Variants in EGFR observed in about 807,000 individuals in gnomAD.
EGFR encodes epidermal growth factor receptor, also known as avian erythroblastic leukemia viral (v-erb-b) oncogene homolog.
In EGFR, 58 loss-of-function variants were observed where a neutral mutation model predicts 143.0. The observed-to-expected ratio is 0.41, with a 90% CI of 0.33 to 0.50. The LOEUF (loss-of-function observed/expected upper bound fraction) is 0.50. EGFR is among the 20% of genes least tolerant of loss of function. EGFR has a pLI of 0.39. For synonymous variants in EGFR, 613 were observed against 594.4 expected (o/e 1.03, Z -0.45); for missense variants, 1,307 against 1,579.0 (o/e 0.83, Z 2.92).
intron 1 of EGFR, among the ~76,000 whole-genome samples, chr7:55,114,680 A>T (rs1792721724): frequency 6.6e-6 from 1 of 152,066 alleles, no homozygotes; most frequent in African/African-American, 2.4e-5. Flanking sequence ...TGGCTTTGAG[A>T]TGACTGGGGA....
intron 1 of EGFR, among the ~76,000 whole-genome samples, chr7:55,023,233 A>G (rs1283058872): frequency 1.3e-5 from 2 of 152,158 alleles, no homozygotes; most frequent in African/African-American, 4.8e-5. Context: ...TGACTTCATA[A>G]GTACTCTAGT....
At chr7:55,196,994 T>C (rs1446229184) in intron 22 of EGFR, among the ~76,000 whole-genome samples, 5 of 152,184 alleles carry the variant, frequency 3.3e-5, no homozygotes, top group Non-Finnish European at 2.9e-5. Context: ...CAATTCAGGC[T>C]CTTTTTTGGT....
intron 20 of EGFR, among the ~76,000 whole-genome samples, chr7:55,189,387 A>C (rs1350794618): frequency 1.3e-5 from 2 of 151,684 alleles, no homozygotes; most frequent in Non-Finnish European, 2.9e-5. Flanking sequence ...GCACATCGCC[A>C]GTGCTCAGCA....
intron 1 of EGFR, among the ~76,000 whole-genome samples, chr7:55,087,556 TTTGA>T (rs1790844454): frequency 6.6e-6 from 1 of 152,238 alleles, no homozygotes; most frequent in African/African-American, 2.4e-5. Flanking sequence ...GCAAAATGTG[TTTGA>T]TTGGCACCAA....
chr7:55,084,790 T>A (rs1216428594), intron 1 of EGFR, among the ~76,000 whole-genome samples: 2 of 152,188 alleles, frequency 1.3e-5, no homozygotes, highest in Non-Finnish European at 2.9e-5. Flanking sequence ...AGGGCTTTTA[T>A]TAGGAAGAGG....
In EGFR at chr7:55,135,185, C is replaced by A. The variant is rs556497471; in HGVS notation, c.89-7101C>A. Among the ~76,000 whole-genome samples the A allele has an allele frequency of 6.6e-5, 10 of 152,112 alleles. 1 individual carries two copies. The South Asian group carries it at 1.7e-3, about 25-fold the overall frequency. The stretch of plus-strand genomic sequence containing the variant: ...GCTTGGCTTTGGATTCTTTTAATGG[C>A]TAGAAGGAGAATCATGGGGTTGGAA... On this transcript the variant is annotated intron_variant, in intron 1 of 27. Coordinates refer to ENST00000275493, the MANE Select transcript of EGFR (RefSeq NM_005228.5).
At chr7:55,038,279 T>A (rs1787713245) in intron 1 of EGFR, among the ~76,000 whole-genome samples, 2 of 152,086 alleles carry the variant, frequency 1.3e-5, no homozygotes, top group East Asian at 3.9e-4. Flanking sequence ...CTAACTTGAT[T>A]CTGAGGACAC....
At chr7:55,120,406 G>A (rs537671865) in intron 1 of EGFR, among the ~76,000 whole-genome samples, 5 of 152,330 alleles carry the variant, frequency 3.3e-5, no homozygotes, top group Admixed American at 2.0e-4. Context: ...ACTTTGGTTT[G>A]ACAAATAATC....
Position 55,201,169 on chromosome 7 carries a change from C to A in EGFR, c.2947-19C>A, listed in dbSNP as rs753178343. On this transcript the variant is annotated intron_variant, in intron 24 of 27. Transcript: ENST00000275493. ...CATCTCTACGGGCCATTCTAATAGC[C>A]TCAAAATCTCTGCACCAGGGGGATG... 1 of 1,614,016 alleles carries A rather than the reference C, an allele frequency of 6.2e-7. No individual in the cohort carries two copies. The highest frequency in any genetic ancestry group is 1.3e-5 in the African/African-American group (1 of 74,908).
At chr7:55,132,626 A>G (rs1793914410) in intron 1 of EGFR, among the ~76,000 whole-genome samples, 1 of 152,140 alleles carries the variant, frequency 6.6e-6, no homozygotes, top group Admixed American at 6.5e-5. Context: ...GTAATGAGGA[A>G]TATTGGTGCT....
chr7:55,170,161 A>G lies in EGFR; in HGVS notation c.1881-1014A>G, dbSNP rs1786272348. On this transcript the variant is annotated intron_variant, in intron 15 of 27. Coordinates refer to ENST00000275493, the MANE Select transcript of EGFR (RefSeq NM_005228.5). The stretch of plus-strand genomic sequence containing the variant: ...CATGACACCATGGAAAAGAGGGAGC[A>G]CCCAGACCCCCAAATTAAGAAGAGC... 2.8e-5 allele frequency: 40 copies of G among 1,433,588 alleles called. 1 individual carries two copies. The South Asian group carries it at 4.3e-4, about 16-fold the overall frequency. The allele number at this position is 1,433,588 out of a possible 1,614,324, so 88.8% of individuals were successfully genotyped here.
rs1268109781 is a variant in EGFR, at chr7:55,210,531, G to A, written c.*4914G>A. 1 of 152,190 alleles carries A rather than the reference G, an allele frequency of 6.6e-6. No individual in the cohort carries two copies. Among genetic ancestry groups the A allele is most frequent in the Non-Finnish European group, 1.5e-5 (1 of 68,048 alleles). The allele number at this position is 152,190 out of a possible 1,614,324, so 9.4% of individuals were successfully genotyped here. On this transcript the variant is annotated 3_prime_UTR_variant, in exon 28 of 28. Transcript: ENST00000275493. ...CATTCCAATGTGCGGCCAAAGTTGA[G>A]AACTACTGGCCTAGGGATTAGCCAC...
At chr7:55,065,910 C>T (rs1173032696) in intron 1 of EGFR, among the ~76,000 whole-genome samples, 1 of 142,924 alleles carries the variant, frequency 7.0e-6, no homozygotes, top group Non-Finnish European at 1.5e-5. Flanking sequence ...CGGCTGCATT[C>T]CTTTCGCTCT....
At chr7:55,020,137 G>T (rs1786454963) in intron 1 of EGFR, among the ~76,000 whole-genome samples, 1 of 152,204 alleles carries the variant, frequency 6.6e-6, no homozygotes, top group African/African-American at 2.4e-5. Context: ...GGTGGGGTCC[G>T]ACCCGCCCCT....
intron 1 of EGFR, among the ~76,000 whole-genome samples, chr7:55,127,047 T>A (rs1793567251): frequency 6.6e-6 from 1 of 152,214 alleles, no homozygotes; most frequent in Non-Finnish European, 1.5e-5. Flanking sequence ...AAAACTAATG[T>A]ACCATCTAGT....
At chr7:55,094,615 G>T (rs1477390627) in intron 1 of EGFR, among the ~76,000 whole-genome samples, 4 of 152,196 alleles carry the variant, frequency 2.6e-5, no homozygotes, top group African/African-American at 7.2e-5. Flanking sequence ...CGACAAGACA[G>T]TCCAGCAACT....
At chr7:55,149,996 C>A (rs1794949014) in intron 4 of EGFR, among the ~76,000 whole-genome samples, 1 of 152,106 alleles carries the variant, frequency 6.6e-6, no homozygotes, top group Non-Finnish European at 1.5e-5. Context: ...CTCATGTCTT[C>A]TTTTTGCTTT....
chr7:55,183,325 C>G (rs988422778), intron 20 of EGFR, among the ~76,000 whole-genome samples: 1 of 152,162 alleles, frequency 6.6e-6, no homozygotes, highest in African/African-American at 2.4e-5. Flanking sequence ...GATCACTCCG[C>G]TATGTGTATA....
At chr7:55,090,661 C>T (rs1369308092) in intron 1 of EGFR, among the ~76,000 whole-genome samples, 1 of 152,198 alleles carries the variant, frequency 6.6e-6, no homozygotes, top group African/African-American at 2.4e-5. Flanking sequence ...AATCAGAGCT[C>T]AGACATACAG....
Sources: allele counts gnomAD v4.1 joint callset (sites outside exome capture counted in the v4.1 genomes callset), GRCh38; gene constraint gnomAD v4.1.1; transcripts MANE v1.5; gene names NCBI Gene and HGNC (gene_info 2026-07-23, HGNC 2026-07-21).